The following NOS1 variants were observed in gnomAD, a reference collection of about 807,000 sequenced individuals.
The protein encoded by NOS1 is nitric oxide synthase 1.
NOS1 carries 51 observed loss-of-function variants against 164.5 expected under a neutral mutation model. The observed-to-expected ratio is 0.31, with a 90% CI of 0.25 to 0.39. The LOEUF (loss-of-function observed/expected upper bound fraction) is 0.39, where lower values mean the gene tolerates loss of function less well. Among genes scored for constraint, NOS1 ranks in the 10% least tolerant of loss-of-function variants. The pLI is 1.00. For synonymous variants in NOS1, 719 were observed against 745.8 expected (o/e 0.96, Z 0.59); for missense variants, 1,362 against 1,885.6 (o/e 0.72, Z 5.14).
intron 13 of NOS1, among the ~76,000 whole-genome samples, chr12:117,263,472 G>A (rs1219900800): frequency 6.6e-6 from 1 of 151,730 alleles, no homozygotes; most frequent in Non-Finnish European, 1.5e-5. Context: ...CCAGCCTGGG[G>A]AACAGACCCT....
chr12:117,346,787 A>G (rs1054315079), intron 1 of NOS1, among the ~76,000 whole-genome samples: 1 of 152,168 alleles, frequency 6.6e-6, no homozygotes, highest in Non-Finnish European at 1.5e-5. Context: ...TGTGACCTAC[A>G]CAAATGGCCA....
chr12:117,208,403 T>C lies in NOS1; in HGVS notation c.*6906A>G. 7.8e-7 allele frequency: 1 copy of C among 1,280,932 alleles called. No homozygotes were observed. The highest frequency in any genetic ancestry group is 1.2e-5 in the South Asian group (1 of 80,722). The allele number at this position is 1,280,932 out of a possible 1,614,324, so 79.3% of individuals were successfully genotyped here. On this transcript the variant is annotated 3_prime_UTR_variant, in exon 29 of 29. Transcript: ENST00000317775. ...GAGTTTCTGACAGCGTGTGTGTGTG[T>C]GTGTGTGTGTGTGTGTGTGGTGAGA...
At chr12:117,219,957 G>T in intron 27 of NOS1, 118 bp downstream of exon 27, 1 of 976,112 alleles carries the variant, frequency 1.0e-6, no homozygotes, top group Non-Finnish European at 1.5e-6. Flanking sequence ...TAAGTGCAAC[G>T]AATGGGAGCA....
intron 8 of NOS1, 110 bp downstream of exon 8, chr12:117,280,615 G>C: frequency 9.1e-7 from 1 of 1,102,314 alleles, no homozygotes; most frequent in Non-Finnish European, 1.3e-6. Flanking sequence ...AAGAGTAAAT[G>C]ACCCCATCAG....
intron 1 of NOS1, among the ~76,000 whole-genome samples, chr12:117,357,254 T>C (rs1029384837): frequency 6.6e-6 from 1 of 151,874 alleles, no homozygotes; most frequent in Admixed American, 6.6e-5. Flanking sequence ...GCCCAGGAGG[T>C]CGAAGCCCCT....
At chr12:117,280,668 G>A (rs200115683) in intron 8 of NOS1, 57 bp downstream of exon 8, 2 of 1,559,488 alleles carry the variant, frequency 1.3e-6, no homozygotes, top group Non-Finnish European at 8.7e-7. Flanking sequence ...AAAAGTCTGT[G>A]GTCTGGGGAC....
intron 5 of NOS1, among the ~76,000 whole-genome samples, chr12:117,287,557 G>A (rs1872791873): frequency 6.6e-6 from 1 of 152,028 alleles, no homozygotes; most frequent in South Asian, 2.1e-4. Context: ...TCATGCCTCA[G>A]CATCCCAAGT....
At chr12:117,335,236 G>C (rs1875750098) in intron 1 of NOS1, among the ~76,000 whole-genome samples, 1 of 152,076 alleles carries the variant, frequency 6.6e-6, no homozygotes, top group Admixed American at 6.5e-5. Flanking sequence ...ATGTAGAAGG[G>C]GGCCCTTCCC....
chr12:117,312,577 G>A (rs1353103737), intron 2 of NOS1, among the ~76,000 whole-genome samples: 1 of 151,874 alleles, frequency 6.6e-6, no homozygotes, highest in Non-Finnish European at 1.5e-5. Flanking sequence ...CACCATGTCT[G>A]CCTAATTTTT....
At chr12:117,358,936 T>C (rs1031125373) in intron 1 of NOS1, among the ~76,000 whole-genome samples, 3 of 152,202 alleles carry the variant, frequency 2.0e-5, no homozygotes, top group African/African-American at 7.2e-5. Context: ...GCATGCAAAA[T>C]GCCCCAATTA....
chr12:117,231,892 A>C, intron 22 of NOS1, 70 bp downstream of exon 22: 1 of 1,469,880 alleles, frequency 6.8e-7, no homozygotes. Flanking sequence ...TGGTAATAAC[A>C]GTTTTCAACT....
At chr12:117,224,881 G>T in intron 25 of NOS1, 135 bp downstream of exon 25, 1 of 1,155,374 alleles carries the variant, frequency 8.7e-7, no homozygotes, top group Non-Finnish European at 1.3e-6. Context: ...TCAGGCTGGT[G>T]CTACACGCCC....
chr12:117,253,526 G>C, intron 17 of NOS1, 112 bp downstream of exon 17: 1 of 734,020 alleles, frequency 1.4e-6, no homozygotes, highest in Non-Finnish European at 2.3e-6. Context: ...GGTTTTATGA[G>C]AAATGAATGG....
intron 16 of NOS1, among the ~76,000 whole-genome samples, chr12:117,254,520 A>C (rs79267413): frequency 1.2e-4 from 18 of 152,350 alleles, no homozygotes; most frequent in African/African-American, 4.3e-4. Flanking sequence ...ACGAGCTCCC[A>C]GGAGATGCCA....
chr12:117,248,468 T>G (rs1870829092), intron 17 of NOS1, among the ~76,000 whole-genome samples: 1 of 151,870 alleles, frequency 6.6e-6, no homozygotes, highest in Non-Finnish European at 1.5e-5. Flanking sequence ...GTTCTTGAGA[T>G]AGTTTACTGA....
intron 1 of NOS1, among the ~76,000 whole-genome samples, chr12:117,346,608 G>A (rs955880037): frequency 1.3e-5 from 2 of 152,186 alleles, no homozygotes; most frequent in African/African-American, 4.8e-5. Flanking sequence ...CCATGCACCA[G>A]CACCAGCAGC....
At chr12:117,229,578 A>G (rs909303269) in intron 22 of NOS1, among the ~76,000 whole-genome samples, 2 of 151,760 alleles carry the variant, frequency 1.3e-5, no homozygotes, top group Admixed American at 1.3e-4. Flanking sequence ...CTATCTATCT[A>G]TCTATCTATC....
chr12:117,316,138 A>G (rs1874655360), intron 2 of NOS1, among the ~76,000 whole-genome samples: 1 of 152,192 alleles, frequency 6.6e-6, no homozygotes, highest in Non-Finnish European at 1.5e-5. Flanking sequence ...ATGTGGCTTA[A>G]GTCTATATTG....
rs1956517539 is a variant in NOS1 at position 117,210,931 on chromosome 12, G to A, written c.*4378C>T. 1 of 981,970 alleles carries A rather than the reference G, an allele frequency of 1.0e-6. No homozygotes were observed. Among genetic ancestry groups the A allele is most frequent in the Non-Finnish European group, 1.2e-6 (1 of 827,394 alleles). 60.8% of individuals were successfully genotyped at this position (981,970 alleles called of 1,614,324 possible). On this transcript the variant is annotated 3_prime_UTR_variant, in exon 29 of 29. Transcript: ENST00000317775. ...CTTCAGAGACCTCTCTCTCAGCTAG[G>A]GGCAAGATGTTTTATTTTATTTTAT...
Sources: allele counts gnomAD v4.1 joint callset (sites outside exome capture counted in the v4.1 genomes callset), GRCh38; gene constraint gnomAD v4.1.1; transcripts MANE v1.5; gene names NCBI Gene and HGNC (gene_info 2026-07-23, HGNC 2026-07-21).